The following MED13 variants were observed in gnomAD, a reference collection of about 807,000 sequenced individuals.
The protein encoded by MED13 is mediator complex subunit 13, also known as mediator of RNA polymerase II transcription subunit 13.
MED13 carries 23 observed loss-of-function variants against 225.2 expected under a neutral mutation model. The ratio of observed to expected loss-of-function variants is 0.10; its 90% CI spans 0.07 to 0.14. The LOEUF (loss-of-function observed/expected upper bound fraction) is 0.14, where lower values mean the gene tolerates loss of function less well. MED13 is among the 10% of genes least tolerant of loss of function. The pLI, the probability that MED13 is intolerant of heterozygous loss-of-function variation, is 1.00. For synonymous variants in MED13, 942 were observed against 889.2 expected, an observed-to-expected ratio of 1.06 and a Z score of -1.06; for missense variants, 2,197 against 2,594.5, an observed-to-expected ratio of 0.85 and a Z score of 3.33.
At chr17:61,978,244 CTTTTTATTT>C (rs890194401) in intron 16 of MED13, among the ~76,000 whole-genome samples, 83 of 151,054 alleles carry the variant, frequency 5.5e-4, no homozygotes, top group Non-Finnish European at 4.3e-4. Context: ...TCCAAAACTG[CTTTTTATTT>C]TTTTTATTTT....
chr17:61,990,221 C>T (rs760691545), intron 11 of MED13, among the ~76,000 whole-genome samples: 2 of 152,048 alleles, frequency 1.3e-5, no homozygotes, highest in African/African-American at 2.4e-5. Flanking sequence ...CTCACCCACA[C>T]GCACAAAAAA....
At chr17:62,053,172 T>C (rs955889521) in intron 2 of MED13, among the ~76,000 whole-genome samples, 7 of 152,162 alleles carry the variant, frequency 4.6e-5, no homozygotes, top group African/African-American at 1.7e-4. Context: ...AGCATTCTAA[T>C]CCACGACTCC....
chr17:62,022,480 T>C (rs1224086048), intron 8 of MED13, among the ~76,000 whole-genome samples: 1 of 151,996 alleles, frequency 6.6e-6, no homozygotes, highest in Non-Finnish European at 1.5e-5. Context: ...ATTTTTTTCA[T>C]TTTTCTTTTA....
intron 2 of MED13, among the ~76,000 whole-genome samples, chr17:62,057,673 C>T (rs2081006314): frequency 6.6e-6 from 1 of 152,162 alleles, no homozygotes; most frequent in African/African-American, 2.4e-5. Context: ...ATTAAAACAT[C>T]CAAAATTAAA....
intron 2 of MED13, among the ~76,000 whole-genome samples, chr17:62,061,632 A>G (rs2081039985): frequency 2.0e-5 from 3 of 152,208 alleles, no homozygotes; most frequent in Admixed American, 2.0e-4. Flanking sequence ...TTTTATGACC[A>G]CTTAACGATT....
chr17:62,042,317 A>C (rs1035732540), intron 3 of MED13, among the ~76,000 whole-genome samples: 1 of 152,060 alleles, frequency 6.6e-6, no homozygotes, highest in Admixed American at 6.6e-5. Context: ...TAATCCCAAC[A>C]CTTTGGGAGG....
chr17:61,946,437 T>C lies in MED13; in HGVS notation c.*31A>G. On this transcript the variant is annotated 3_prime_UTR_variant, in exon 30 of 30. Transcript: ENST00000397786. ...CAGCGAAACATCCATTTTTCCTTGT[T>C]CTTTTCTTGCACAGTTCCATCAAAT... is the stretch of plus-strand genomic sequence containing the variant. 1 of 1,603,214 alleles carries C rather than the reference T, an allele frequency of 6.2e-7. No homozygotes were observed. Among genetic ancestry groups the C allele is most frequent in the Non-Finnish European group, 8.5e-7 (1 of 1,174,252 alleles).
intron 8 of MED13, among the ~76,000 whole-genome samples, chr17:62,014,310 TTA>T (rs79817498): frequency 3.0e-3 from 434 of 143,000 alleles, no homozygotes; most frequent in African/African-American, 9.9e-3. Context: ...GTATATGTTT[TTA>T]TATATATATA....
At chr17:61,963,281 C>G (rs1439832616) in intron 20 of MED13, among the ~76,000 whole-genome samples, 1 of 99,726 alleles carries the variant, frequency 1.0e-5, no homozygotes, top group African/African-American at 3.9e-5. Context: ...GTATTAGATA[C>G]AAAAGATGGC....
At chr17:61,983,798 G>A (rs541649940) in intron 15 of MED13, among the ~76,000 whole-genome samples, 58 of 149,044 alleles carry the variant, frequency 3.9e-4, no homozygotes, top group African/African-American at 1.4e-3. Flanking sequence ...GTGCGATCTC[G>A]GCTCCCTGCA....
rs553788401 is a variant in MED13 at position 62,021,662 on chromosome 17, T to C, written c.1283+7879A>G. 3.9e-5 allele frequency among the ~76,000 whole-genome samples: 6 copies of C among 152,336 alleles called. 1 individual carries two copies. The South Asian group carries it at 1.0e-3, about 26-fold the overall frequency. On this transcript the variant is annotated intron_variant, in intron 8 of 29. Coordinates refer to ENST00000397786, the MANE Select transcript of MED13 (RefSeq NM_005121.3). The stretch of plus-strand genomic sequence containing the variant: ...ATTTTATGCTTCTCACTTATTATAA[T>C]GGCAAAAAATAATTTTGAGGATAGT...
intron 8 of MED13, among the ~76,000 whole-genome samples, chr17:62,023,144 G>A (rs1316693602): frequency 1.3e-5 from 2 of 152,086 alleles, no homozygotes; most frequent in African/African-American, 4.8e-5. Flanking sequence ...GGGGAACTTA[G>A]GCTTTATTCA....
At chr17:62,020,896 G>A (rs2080636582) in intron 8 of MED13, among the ~76,000 whole-genome samples, 1 of 151,584 alleles carries the variant, frequency 6.6e-6, no homozygotes, top group Non-Finnish European at 1.5e-5. Context: ...GACTCTTAAT[G>A]AGCATGCTGC....
At chr17:62,063,523 A>G (rs2081058199) in intron 1 of MED13, among the ~76,000 whole-genome samples, 1 of 152,222 alleles carries the variant, frequency 6.6e-6, no homozygotes, top group Non-Finnish European at 1.5e-5. Flanking sequence ...ACTGAATAGC[A>G]AGCAAATATG....
chr17:61,962,905 A>C lies in MED13; in HGVS notation c.4911T>G (p.Pro1637=). ...DGDSHAVTYP[P]AIVVYIIDPF... ...GATCAATTATATAAACAACAATTGC[A>C]GGTGGATACGTGACTGCATGTGAAT... Residue 1637 remains proline, a synonymous_variant, in exon 21 of 30, where the codon CCT becomes CCG. Transcript: ENST00000397786. The C allele has an allele frequency of 1.2e-6, 2 of 1,614,140 alleles. No homozygotes were observed. Among genetic ancestry groups the C allele is most frequent in the Non-Finnish European group, 1.7e-6 (2 of 1,180,032 alleles).
intron 12 of MED13, among the ~76,000 whole-genome samples, chr17:61,985,595 T>C (rs956951783): frequency 6.6e-6 from 1 of 152,126 alleles, no homozygotes. Flanking sequence ...TGCTTGAGCC[T>C]GGGAGGCAGA....
At chr17:62,025,733 A>C (rs1019897151) in intron 8 of MED13, among the ~76,000 whole-genome samples, 2 of 152,250 alleles carry the variant, frequency 1.3e-5, no homozygotes, top group African/African-American at 2.4e-5. Context: ...TGGCGAATTC[A>C]TCACTGTTTG....
At position 61,995,803 on chromosome 17, in the gene MED13, A is replaced by AT. The variant is rs1003675823; in HGVS notation, c.1968-439dup. ...ATTTATACAAGGAAAGTGATTATGTATTTTTTTTTTACTGCCATGAGTAGA... is the reference window on the plus strand; with the variant it reads ...ATTTATACAAGGAAAGTGATTATGTATTTTTTTTTTTACTGCCATGAGTAGA... On this transcript the variant is annotated intron_variant, in intron 9 of 29. Transcript: ENST00000397786. Among the ~76,000 whole-genome samples the AT allele has an allele frequency of 2.7e-3, 397 of 148,952 alleles. 1 individual carries two copies. The highest frequency in any genetic ancestry group is 7.2e-3 in the African/African-American group (294 of 40,844).
chr17:61,987,557 T>C (rs1047693323), intron 11 of MED13, among the ~76,000 whole-genome samples: 1 of 152,168 alleles, frequency 6.6e-6, no homozygotes, highest in African/African-American at 2.4e-5. Context: ...TTGTACTTTA[T>C]TGTTTAAAAT....
Sources: gnomAD v4.1 joint callset for allele counts (sites outside exome capture counted in the v4.1 genomes callset) on GRCh38, gnomAD v4.1.1 for gene constraint, MANE v1.5 for transcripts, NCBI Gene and HGNC (gene_info 2026-07-23, HGNC 2026-07-21) for gene names.